Variants in HTR2C observed in about 807,000 individuals in gnomAD.
HTR2C encodes the protein 5-hydroxytryptamine receptor 2C, also known as 5-hydroxytryptamine (serotonin) receptor 2C, G protein-coupled.
Under a neutral mutation model 21.0 loss-of-function variants are expected in HTR2C, and 5 were observed. That is an observed-to-expected ratio of 0.24 (90% CI 0.12 to 0.50). HTR2C has a LOEUF of 0.50. HTR2C is among the 20% of genes least tolerant of loss of function. The pLI is 0.98. For missense variants in HTR2C, 271 were observed against 371.2 expected (o/e 0.73, Z 2.22); for synonymous variants, 150 against 145.3 (o/e 1.03, Z -0.23).
At chrX:114,876,422 C>CTTTTTTTTTTTTTTTTTTT (rs60498146) in intron 5 of HTR2C, among the ~76,000 whole-genome samples, 6 of 62,395 alleles carry the variant, frequency 9.6e-5, no homozygotes, top group Non-Finnish European at 1.1e-4. Flanking sequence ...CTTTTTCTTT[C>CTTTTTTTTTTTTTTTTTTT]TTTTTTTTTT....
chrX:114,895,184 TAAC>T (rs782609369), intron 5 of HTR2C, among the ~76,000 whole-genome samples: 29 of 111,918 alleles, frequency 2.6e-4, no homozygotes, highest in African/African-American at 3.9e-4. Flanking sequence ...AGTCTAGTAA[TAAC>T]AAGTGAAAAA....
chrX:114,830,694 T>C (rs782584770), intron 4 of HTR2C, among the ~76,000 whole-genome samples: 46 of 109,691 alleles, frequency 4.2e-4, no homozygotes, highest in African/African-American at 1.5e-3. Context: ...AGTGCTGTTT[T>C]TTGTTTTTTT....
intron 2 of HTR2C, among the ~76,000 whole-genome samples, chrX:114,619,254 A>G (rs1929061823): frequency 1.8e-5 from 2 of 110,078 alleles, no homozygotes; most frequent in South Asian, 3.8e-4. Flanking sequence ...TAATTCCTAA[A>G]TATCTTCACT....
chrX:114,817,266 A>G (rs1222793577), intron 4 of HTR2C, among the ~76,000 whole-genome samples: 1 of 111,604 alleles, frequency 9.0e-6, no homozygotes, highest in African/African-American at 3.3e-5. Flanking sequence ...CAAAACCACC[A>G]TTGTCTACAT....
At chrX:114,625,061 A>T (rs192756098) in intron 2 of HTR2C, among the ~76,000 whole-genome samples, 2 of 111,839 alleles carry the variant, frequency 1.8e-5, no homozygotes, top group Admixed American at 9.5e-5. Context: ...CACCTTCACC[A>T]TAATAAATGA....
chrX:114,880,322 G>A (rs1556479648), intron 5 of HTR2C, among the ~76,000 whole-genome samples: 1 of 110,123 alleles, frequency 9.1e-6, no homozygotes, highest in African/African-American at 3.3e-5. Flanking sequence ...TATCTGCCTT[G>A]TTTTAAATAC....
chrX:114,908,498 A>G lies in HTR2C; in HGVS notation c.*1083A>G, dbSNP rs201401926. 100 of 108,353 alleles carry G rather than the reference A, an allele frequency of 9.2e-4. No individual in the cohort carries two copies. The highest frequency in any genetic ancestry group is 2.8e-3 in the African/African-American group (85 of 29,931). 8.9% of individuals were successfully genotyped at this position (108,353 alleles called of 1,213,427 possible). A position where few individuals can be genotyped will look rare whatever the true frequency, so the allele number is the denominator to read the frequency against. On this transcript the variant is annotated 3_prime_UTR_variant, in exon 6 of 6. Coordinates refer to ENST00000276198, the MANE Select transcript of HTR2C (RefSeq NM_000868.4). ...TACAGAATTGGGCCCTTAGAATGTG[A>G]AAAAAAAAAGTAATTAAAAAGACAC...
In HTR2C at chrX:114,718,109, A is replaced by G. The variant is rs979964695; in HGVS notation, c.-79-8749A>G. Among the ~76,000 whole-genome samples the G allele has an allele frequency of 2.7e-5, 3 of 110,649 alleles. No individual in the cohort carries two copies. The East Asian group carries it at 8.5e-4, about 32-fold the overall frequency. On this transcript the variant is annotated intron_variant, in intron 2 of 5. Coordinates refer to ENST00000276198, the MANE Select transcript of HTR2C (RefSeq NM_000868.4). The stretch of plus-strand genomic sequence containing the variant: ...GCGATCACGGCTCACTGCTGCTGCC[A>G]CCTGCTGACCTCAAGCCATCCTCCC...
chrX:114,608,827 T>C (rs1388685584), intron 1 of HTR2C, among the ~76,000 whole-genome samples: 1 of 111,873 alleles, frequency 8.9e-6, no homozygotes, highest in Non-Finnish European at 1.9e-5. Flanking sequence ...CTTTCATTTT[T>C]TTTCCATTCT....
chrX:114,611,544 C>G (rs1928732691), intron 1 of HTR2C, among the ~76,000 whole-genome samples: 1 of 111,893 alleles, frequency 8.9e-6, no homozygotes. Flanking sequence ...CCTACTTTTT[C>G]ATGAAAATTG....
chrX:114,754,485 A>C (rs2069791679), intron 4 of HTR2C, among the ~76,000 whole-genome samples: 1 of 111,859 alleles, frequency 8.9e-6, no homozygotes, highest in Non-Finnish European at 1.9e-5. Flanking sequence ...AGAATTCAGA[A>C]ATATACCCAC....
intron 5 of HTR2C, among the ~76,000 whole-genome samples, chrX:114,889,805 C>T (rs1162090794): frequency 9.0e-6 from 1 of 111,467 alleles, no homozygotes; most frequent in African/African-American, 3.3e-5. Context: ...AGATCTCCAA[C>T]TCCATTTTGC....
chrX:114,678,577 T>C (rs17096008), intron 2 of HTR2C, among the ~76,000 whole-genome samples: 2,294 of 111,524 alleles, frequency 0.021, 65 homozygotes, highest in African/African-American at 0.071. Flanking sequence ...GAGTAATTAT[T>C]TAACATGAAA....
At chrX:114,903,405 T>C (rs1284014713) in intron 5 of HTR2C, among the ~76,000 whole-genome samples, 1 of 112,608 alleles carries the variant, frequency 8.9e-6, no homozygotes, top group African/African-American at 3.2e-5. Flanking sequence ...ACATCTGTAA[T>C]GTCAGTAATA....
intron 2 of HTR2C, among the ~76,000 whole-genome samples, chrX:114,709,468 G>A (rs909239082): frequency 1.8e-5 from 2 of 112,115 alleles, no homozygotes; most frequent in Admixed American, 1.9e-4. Context: ...AGTCATGGAA[G>A]TGTTAATTGT....
chrX:114,785,323 A>G (rs1556441820), intron 4 of HTR2C, among the ~76,000 whole-genome samples: 1 of 112,142 alleles, frequency 8.9e-6, no homozygotes, highest in African/African-American at 3.2e-5. Context: ...AAAAAAATAC[A>G]AGAGTAGCTC....
intron 4 of HTR2C, among the ~76,000 whole-genome samples, chrX:114,794,588 CGTT>C (rs1556444617): frequency 1.1e-5 from 1 of 91,715 alleles, no homozygotes; most frequent in East Asian, 3.8e-4. Flanking sequence ...CATGTGTTCT[CGTT>C]GTTCAATTCC....
chrX:114,662,764 A>C (rs184458818), intron 2 of HTR2C, among the ~76,000 whole-genome samples: 120 of 111,825 alleles, frequency 1.1e-3, no homozygotes, highest in African/African-American at 3.7e-3. Flanking sequence ...TTATCAGTGA[A>C]TCAGACAATA....
In HTR2C at chrX:114,908,662, T is replaced by C. The variant is rs2071393342; in HGVS notation, c.*1247T>C. The C allele has an allele frequency of 8.9e-6, 1 of 112,776 alleles. No individual in the cohort carries two copies. The highest frequency in any genetic ancestry group is 3.2e-5 in the African/African-American group (1 of 31,003). 9.3% of individuals were successfully genotyped at this position (112,776 alleles called of 1,213,427 possible). The stretch of plus-strand genomic sequence containing the variant: ...ATTTGTGAAAGTGGCAAGCTCTTCA[T>C]TGCACTGCAGTTATTTACCAGAAGT... On this transcript the variant is annotated 3_prime_UTR_variant, in exon 6 of 6. Transcript: ENST00000276198.
Sources: gnomAD v4.1 joint callset for allele counts (sites outside exome capture counted in the v4.1 genomes callset) on GRCh38, gnomAD v4.1.1 for gene constraint, MANE v1.5 for transcripts, NCBI Gene and HGNC (gene_info 2026-07-23, HGNC 2026-07-21) for gene names.